Variants in CDC45 observed in about 807,000 individuals in gnomAD.
CDC45 encodes the protein cell division control protein 45 homolog.
CDC45 carries 54 observed loss-of-function variants against 77.8 expected under a neutral mutation model. That is an observed-to-expected ratio of 0.69 (90% CI 0.56 to 0.87). The LOEUF (loss-of-function observed/expected upper bound fraction) is 0.87. CDC45 is among the 40% of genes least tolerant of loss of function. CDC45 has a pLI of 0.00. For missense variants in CDC45, 649 were observed against 721.6 expected, an observed-to-expected ratio of 0.90 and a Z score of 1.15; for synonymous variants, 260 against 272.1, an observed-to-expected ratio of 0.96 and a Z score of 0.44.
At chr22:19,519,158 T>G (rs1933971019) in intron 18 of CDC45, among the ~76,000 whole-genome samples, 1 of 152,216 alleles carries the variant, frequency 6.6e-6, no homozygotes, top group African/African-American at 2.4e-5. Context: ...AGAGCTGGTA[T>G]TCACCCTCTG....
At chr22:19,512,913 C>G (rs1933592237) in intron 13 of CDC45, among the ~76,000 whole-genome samples, 1 of 152,188 alleles carries the variant, frequency 6.6e-6, no homozygotes, top group African/African-American at 2.4e-5. Flanking sequence ...GTGAGGGCCT[C>G]AGGCTGCTTC....
chr22:19,499,592 C>T (rs2090304211), intron 9 of CDC45, among the ~76,000 whole-genome samples: 1 of 152,176 alleles, frequency 6.6e-6, no homozygotes, highest in Non-Finnish European at 1.5e-5. Flanking sequence ...AAGGGGAAGG[C>T]TCCAAAGGTA....
intron 5 of CDC45, among the ~76,000 whole-genome samples, chr22:19,490,370 G>T (rs5748234): frequency 1 from 151,872 of 151,874 alleles, 75,935 homozygotes; most frequent in Middle Eastern, 1. Flanking sequence ...CTTGTTCTTT[G>T]TTATTTGTAT....
chr22:19,520,104 G>A lies in CDC45; in HGVS notation c.*2-377G>A, dbSNP rs1254494771. On this transcript the variant is annotated intron_variant, in intron 18 of 18. Coordinates refer to ENST00000263201, the MANE Select transcript of CDC45 (RefSeq NM_003504.5). The surrounding 1 kb of genome is among the most constrained non-coding windows in gnomAD (Gnocchi z 4.5). ...CCCCTGCAGCCTGCTTGGTGGTGAT[G>A]TTATGCTGCTGTGTGTCCTTCCACT... is the stretch of plus-strand genomic sequence containing the variant. 3.9e-5 allele frequency among the ~76,000 whole-genome samples: 6 copies of A among 152,116 alleles called. No homozygotes were observed. The highest frequency in any genetic ancestry group is 7.4e-5 in the Non-Finnish European group (5 of 68,018).
chr22:19,506,877 C>T (rs1319365532), intron 10 of CDC45, among the ~76,000 whole-genome samples: 8 of 150,976 alleles, frequency 5.3e-5, no homozygotes, highest in Admixed American at 3.3e-4. Flanking sequence ...GAGCTTGCAG[C>T]GAGCCGAGAT....
Position 19,499,139 on chromosome 22 carries a change from A to G in CDC45, c.692A>G (p.Asp231Gly). 6.2e-7 allele frequency: 1 copy of G among 1,614,138 alleles called. No homozygotes were observed. The highest frequency in any genetic ancestry group is 8.5e-7 in the Non-Finnish European group (1 of 1,179,980). The part of the protein sequence containing the change: ...IVGLTDQWVQ[D>G]KITQMKYVTD... ...GGACTAACAGACCAGTGGGTGCAAG[A>G]CAAGATCACTCAGTAAGGACACACT... Residue 231 changes from aspartate to glycine, a missense_variant, in exon 9 of 19, where the codon GAC becomes GGC. Coordinates refer to ENST00000263201, the MANE Select transcript of CDC45 (RefSeq NM_003504.5).
At chr22:19,491,240 A>C (rs2090148851) in intron 5 of CDC45, among the ~76,000 whole-genome samples, 1 of 152,200 alleles carries the variant, frequency 6.6e-6, no homozygotes, top group South Asian at 2.1e-4. Context: ...CATAATTACA[A>C]ACTCAAGAGG....
At chr22:19,500,975 G>A (rs1221750868) in intron 9 of CDC45, among the ~76,000 whole-genome samples, 2 of 152,072 alleles carry the variant, frequency 1.3e-5, no homozygotes, top group Admixed American at 6.6e-5. Flanking sequence ...TCAGGAGTTC[G>A]AGACCAGCCT....
chr22:19,518,920 G>A lies in CDC45; in HGVS notation c.*1+11G>A. 1.2e-6 allele frequency: 2 copies of A among 1,611,584 alleles called. No individual in the cohort carries two copies. The highest frequency in any genetic ancestry group is 1.7e-6 in the Non-Finnish European group (2 of 1,177,768). ...CCCTCCTGTCCTAGGGTGAGTTACA[G>A]GGGTTCTGCAGGGGTGGCTGCAGCA... On this transcript the variant is annotated intron_variant, in intron 18 of 18. Transcript: ENST00000263201.
chr22:19,493,601 G>A (rs945224174), intron 5 of CDC45, among the ~76,000 whole-genome samples: 3 of 151,988 alleles, frequency 2.0e-5, no homozygotes, highest in Non-Finnish European at 2.9e-5. Flanking sequence ...GTGCCACCAC[G>A]CCCGGCTAAT....
intron 13 of CDC45, among the ~76,000 whole-genome samples, chr22:19,513,349 A>C (rs1933617109): frequency 6.6e-6 from 1 of 152,270 alleles, no homozygotes; most frequent in Non-Finnish European, 1.5e-5. Flanking sequence ...AAAGTAAACA[A>C]ATAGTTTTAC....
intron 5 of CDC45, among the ~76,000 whole-genome samples, chr22:19,486,407 C>T (rs1462883569): frequency 6.6e-6 from 1 of 152,166 alleles, no homozygotes; most frequent in African/African-American, 2.4e-5. Context: ...AGACATTTAG[C>T]TATTCCTCTT....
chr22:19,489,807 T>G (rs1369236508), intron 5 of CDC45, among the ~76,000 whole-genome samples: 2 of 152,216 alleles, frequency 1.3e-5, no homozygotes, highest in Non-Finnish European at 2.9e-5. Context: ...TGAGAGTTGG[T>G]GGTGGTGTTG....
At chr22:19,479,780 G>T (rs2090351216), upstream of CDC45, 6 of 665,944 alleles carry the variant, frequency 9.0e-6, no homozygotes, top group Admixed American at 2.4e-5. Flanking sequence ...TTTTCTGGCC[G>T]TGAATGGCAG....
At chr22:19,491,672 A>G (rs1404936089) in intron 5 of CDC45, among the ~76,000 whole-genome samples, 1 of 151,406 alleles carries the variant, frequency 6.6e-6, no homozygotes, top group African/African-American at 2.4e-5. Context: ...GGATGTTAGG[A>G]TGTGTCTTGG....
chr22:19,503,473 G>GA (rs1368896630), intron 9 of CDC45, among the ~76,000 whole-genome samples: 1 of 152,182 alleles, frequency 6.6e-6, no homozygotes, highest in Non-Finnish European at 1.5e-5. Flanking sequence ...AAGTTGGGAG[G>GA]AATTACCTCC....
rs1933787548 is a variant in CDC45 at position 19,516,365 on chromosome 22, C to T, written c.1441-162C>T. 5.9e-6 allele frequency: 4 copies of T among 673,230 alleles called. No homozygotes were observed. The Admixed American group carries it at 8.9e-5, about 15-fold the overall frequency. 41.7% of individuals were successfully genotyped at this position (673,230 alleles called of 1,614,324 possible). A position where few individuals can be genotyped will look rare whatever the true frequency, so the allele number is the denominator to read the frequency against. ...CTGGGAGTTAGACACTGGCCTTGGG[C>T]ATCTAACTTGGGGTGGCTGGGTGGG... On this transcript the variant is annotated intron_variant, in intron 15 of 18. Transcript: ENST00000263201.
chr22:19,479,739 G>C (rs1210272490), upstream of CDC45: 1 of 658,642 alleles, frequency 1.5e-6, no homozygotes. Context: ...TTCGGCCTCA[G>C]AGGTGACGCT....
chr22:19,480,985 G>A lies in CDC45; in HGVS notation c.144G>A (p.Thr48=), dbSNP rs1601915403. ...ALFQCDHVQY[T]LVPVSGWQEL... ...TCCAGTGTGACCACGTGCAATATACGCTGGTTCCAGTTTCTGGGTGGCAAG... is the reference window on the plus strand; with the variant it reads ...TCCAGTGTGACCACGTGCAATATACACTGGTTCCAGTTTCTGGGTGGCAAG... The change falls in exon 3 of 19, where the codon ACG becomes ACA. Residue 48 remains threonine (T), a synonymous_variant. Transcript: ENST00000263201. 6.2e-7 allele frequency: 1 copy of A among 1,613,442 alleles called. No individual in the cohort carries two copies. Among genetic ancestry groups the A allele is most frequent in the Non-Finnish European group, 8.5e-7 (1 of 1,179,608 alleles).
Sources: gnomAD v4.1 joint callset for allele counts (sites outside exome capture counted in the v4.1 genomes callset) on GRCh38, gnomAD v4.1.1 for gene constraint, Gnocchi (gnomAD v3.1) non-coding constraint, MANE v1.5 for transcripts, NCBI Gene and HGNC (gene_info 2026-07-23, HGNC 2026-07-21) for gene names.